The following HEG1 variants were observed in gnomAD, a reference collection of about 807,000 sequenced individuals.
HEG1 encodes the protein heart development protein with EGF like domains 1, also known as protein HEG homolog 1.
HEG1 carries 56 observed loss-of-function variants against 125.6 expected under a neutral mutation model. That is an observed-to-expected ratio of 0.45 (90% confidence interval 0.36 to 0.56). HEG1 has a LOEUF of 0.56. Among genes scored for constraint, HEG1 ranks in the 20% least tolerant of loss-of-function variants. The pLI, the probability that HEG1 is intolerant of heterozygous loss-of-function variation, is 0.00. For missense variants in HEG1, 1,523 were observed against 1,670.0 expected, an observed-to-expected ratio of 0.91 and a Z score of 1.53; for synonymous variants, 644 against 668.5, an observed-to-expected ratio of 0.96 and a Z score of 0.57.
intron 9 of HEG1, among the ~76,000 whole-genome samples, chr3:125,003,154 C>T (rs185100012): frequency 2.0e-4 from 30 of 152,242 alleles, no homozygotes; most frequent in African/African-American, 5.5e-4. Context: ...CCTGTTTTTC[C>T]AGGTTTGGTA....
chr3:124,997,924 C>G (rs1579407575), intron 11 of HEG1, 101 bp from the exon 12 acceptor site: 5 of 1,295,718 alleles, frequency 3.9e-6, no homozygotes, highest in Non-Finnish European at 4.1e-6. Context: ...CATGAACTCT[C>G]TATTTCAAGA....
At chr3:125,015,694 T>C (rs570733295) in intron 5 of HEG1, among the ~76,000 whole-genome samples, 6 of 152,292 alleles carry the variant, frequency 3.9e-5, no homozygotes, top group African/African-American at 1.2e-4. Flanking sequence ...TAATTTTAGA[T>C]TGTTAGATTA....
At chr3:125,042,743 T>C (rs557548683) in intron 1 of HEG1, among the ~76,000 whole-genome samples, 2 of 152,266 alleles carry the variant, frequency 1.3e-5, no homozygotes, top group African/African-American at 4.8e-5. Context: ...CTTTGCCTCA[T>C]ACCTTCCACC....
At chr3:124,986,580 T>C (rs761726896) in intron 14 of HEG1, among the ~76,000 whole-genome samples, 6 of 152,174 alleles carry the variant, frequency 3.9e-5, no homozygotes, top group South Asian at 2.1e-4. Flanking sequence ...ACACTGAAAC[T>C]AATAGAGATA....
chr3:125,031,531 C>T (rs76591438), intron 1 of HEG1, among the ~76,000 whole-genome samples: 1 of 152,086 alleles, frequency 6.6e-6, no homozygotes, highest in Non-Finnish European at 1.5e-5. Context: ...GGACTGTGGG[C>T]ATTGGTGAGA....
At chr3:124,985,414 A>T (rs1936721636) in intron 14 of HEG1, among the ~76,000 whole-genome samples, 1 of 152,244 alleles carries the variant, frequency 6.6e-6, no homozygotes, top group South Asian at 2.1e-4. Flanking sequence ...TTATTTTAAA[A>T]ATAGAAAAAA....
At chr3:124,990,741 G>T in intron 14 of HEG1, 46 bp downstream of exon 14, 1 of 1,543,180 alleles carries the variant, frequency 6.5e-7, no homozygotes, top group Non-Finnish European at 8.8e-7. Context: ...CTAACAACAG[G>T]GCCAGGCCCC....
intron 5 of HEG1, among the ~76,000 whole-genome samples, chr3:125,017,982 TGGTGCCAC>T (rs1937277115): frequency 6.6e-6 from 1 of 151,682 alleles, no homozygotes; most frequent in Non-Finnish European, 1.5e-5. Context: ...TGAGCCGGGA[TGGTGCCAC>T]TGCACTCTAG....
intron 12 of HEG1, among the ~76,000 whole-genome samples, chr3:124,994,507 CTT>C (rs547731140): frequency 3.1e-4 from 44 of 143,662 alleles, no homozygotes; most frequent in Admixed American, 5.6e-4. Flanking sequence ...ATGGTGGCAT[CTT>C]TTTTTTTTTT....
intron 14 of HEG1, among the ~76,000 whole-genome samples, chr3:124,985,720 G>T (rs1428734625): frequency 6.6e-6 from 1 of 152,256 alleles, no homozygotes; most frequent in Admixed American, 6.5e-5. Context: ...AGGAGTGGGG[G>T]CCCTGCTCCA....
At position 125,027,487 on chromosome 3, in the gene HEG1, G is replaced by C. The variant is rs1937434651; in HGVS notation, c.631C>G (p.Pro211Ala). 6.2e-7 allele frequency: 1 copy of C among 1,608,592 alleles called. No individual in the cohort carries two copies. Among genetic ancestry groups the C allele is most frequent in the African/African-American group, 1.3e-5 (1 of 74,776 alleles). ...GNLASESLHL[P>A]SSSSEFDERI... ...TCATCGAACTCTGAACTGCTGGATG[G>C]CAGGTGAAGACTTTCTGAGGCTGAA... The change falls in exon 3 of 17, where the codon CCA becomes GCA. Residue 211 changes from proline to alanine, a missense_variant. Physicochemically the swap from Pro to Ala is conservative, Grantham distance 27. Coordinates refer to ENST00000311127, the MANE Select transcript of HEG1 (RefSeq NM_020733.2).
Position 125,002,026 on chromosome 3 carries a change from T to C in HEG1, c.3357-14A>G. On this transcript the variant is annotated splice_polypyrimidine_tract_variant and intron_variant, in intron 10 of 16. Transcript: ENST00000311127. ...GCGTTGGACTCCCTATAGGCAAAGTTTGTGGGTTTTTAACAGCCCTGAAAT... is the reference window on the plus strand; with the variant it reads ...GCGTTGGACTCCCTATAGGCAAAGTCTGTGGGTTTTTAACAGCCCTGAAAT... 6.2e-7 allele frequency: 1 copy of C among 1,613,668 alleles called. No individual in the cohort carries two copies. Among genetic ancestry groups the C allele is most frequent in the Non-Finnish European group, 8.5e-7 (1 of 1,179,754 alleles).
At chr3:124,994,173 C>G (rs183120561) in intron 12 of HEG1, among the ~76,000 whole-genome samples, 1 of 152,208 alleles carries the variant, frequency 6.6e-6, no homozygotes, top group African/African-American at 2.4e-5. Context: ...CTAAGGACCA[C>G]GTAACCTAGA....
chr3:124,974,061 G>A (rs1338154976), intron 15 of HEG1, among the ~76,000 whole-genome samples, 156 bp from the exon 16 acceptor site: 2 of 152,012 alleles, frequency 1.3e-5, no homozygotes, highest in Admixed American at 1.3e-4. Context: ...TTGTTATTTG[G>A]TATTTGCCTA....
At chr3:124,973,423 C>T (rs954393384) in intron 16 of HEG1, among the ~76,000 whole-genome samples, 1 of 152,222 alleles carries the variant, frequency 6.6e-6, no homozygotes, top group Admixed American at 6.5e-5. Flanking sequence ...CTAAATATCA[C>T]TAAATTCTTG....
intron 14 of HEG1, among the ~76,000 whole-genome samples, chr3:124,982,240 CAGCCATGTCA>C: frequency 6.6e-6 from 1 of 152,234 alleles, no homozygotes; most frequent in African/African-American, 2.4e-5. Context: ...AGTTCTTTGG[CAGCCATGTCA>C]CTGTAACCTT....
intron 1 of HEG1, among the ~76,000 whole-genome samples, chr3:125,040,217 G>T (rs1170331277): frequency 4.1e-4 from 63 of 152,202 alleles, no homozygotes. Context: ...TGGGACCGTT[G>T]ATTAGGAGAA....
intron 1 of HEG1, among the ~76,000 whole-genome samples, chr3:125,036,403 G>T (rs1037133832): frequency 1.3e-5 from 2 of 152,014 alleles, no homozygotes; most frequent in African/African-American, 4.8e-5. Context: ...GTTAAAAAAG[G>T]GTTGAGAATG....
intron 2 of HEG1, 81 bp downstream of exon 2, chr3:125,029,114 G>A (rs570106930): frequency 1.0e-5 from 15 of 1,446,484 alleles, no homozygotes; most frequent in Admixed American, 2.0e-5. Flanking sequence ...GCTCAGAATG[G>A]GGTTGTGGGG....
Sources: gnomAD v4.1 joint callset for allele counts (sites outside exome capture counted in the v4.1 genomes callset) on GRCh38, gnomAD v4.1.1 for gene constraint, MANE v1.5 for transcripts, NCBI Gene and HGNC (gene_info 2026-07-23, HGNC 2026-07-21) for gene names.